PTN: variants seen among roughly 807,000 people sequenced by gnomAD.
The protein encoded by PTN is heparin affin regulatory protein.
Under a neutral mutation model 24.1 loss-of-function variants are expected in PTN, and 18 were observed. The ratio of observed to expected loss-of-function variants is 0.75; its 90% CI spans 0.52 to 1.11. The LOEUF (loss-of-function observed/expected upper bound fraction) is 1.11, where lower values mean the gene tolerates loss of function less well. PTN is among the 50% of genes least tolerant of loss of function. The probability of loss-of-function intolerance (pLI) is 0.00; values close to 1 mark genes in which losing one functional copy is unlikely to be tolerated. For missense variants in PTN, 163 were observed against 198.8 expected, an observed-to-expected ratio of 0.82 and a Z score of 1.08; for synonymous variants, 78 against 68.6, an observed-to-expected ratio of 1.14 and a Z score of -0.67.
intron 1 of PTN, among the ~76,000 whole-genome samples, chr7:137,303,725 A>G (rs567488861): frequency 6.6e-6 from 1 of 152,142 alleles, no homozygotes; most frequent in East Asian, 1.9e-4. Context: ...AATGAGTTTG[A>G]AAAAGCAAAC....
At chr7:137,278,304 C>A (rs1809402263) in intron 1 of PTN, among the ~76,000 whole-genome samples, 1 of 21,538 alleles carries the variant, frequency 4.6e-5, no homozygotes, top group Non-Finnish European at 7.9e-5. Context: ...GAGACTCCGT[C>A]TCAAAAAAAA....
At chr7:137,331,613 C>G (rs1195258248) in intron 1 of PTN, among the ~76,000 whole-genome samples, 1 of 152,204 alleles carries the variant, frequency 6.6e-6, no homozygotes, top group East Asian at 1.9e-4. Flanking sequence ...TGGAGCGACA[C>G]GCATCAAAGA....
intron 1 of PTN, among the ~76,000 whole-genome samples, chr7:137,319,603 C>G (rs1426246965): frequency 6.6e-6 from 1 of 152,160 alleles, no homozygotes; most frequent in Non-Finnish European, 1.5e-5. Flanking sequence ...CCCAGGATGT[C>G]TCCCCTGTGG....
chr7:137,262,249 A>T (rs1809053338), intron 1 of PTN, among the ~76,000 whole-genome samples: 2 of 152,058 alleles, frequency 1.3e-5, no homozygotes, highest in Non-Finnish European at 2.9e-5. Context: ...TTGTCATTTT[A>T]TCTCAAATCC....
chr7:137,285,924 T>C (rs1282008946), intron 1 of PTN, among the ~76,000 whole-genome samples: 1 of 152,256 alleles, frequency 6.6e-6, no homozygotes. Context: ...ACTCTTAGAA[T>C]ATCAATCACT....
chr7:137,295,465 A>T (rs1280325646), intron 1 of PTN, among the ~76,000 whole-genome samples: 1 of 152,062 alleles, frequency 6.6e-6, no homozygotes, highest in East Asian at 1.9e-4. Flanking sequence ...CCTCATTTTT[A>T]AATCAAATAG....
At chr7:137,236,093 C>T in intron 4 of PTN, 1 of 691,206 alleles carries the variant, frequency 1.4e-6, no homozygotes, top group Non-Finnish European at 2.6e-6. Context: ...CCATGCAGAA[C>T]AAAATTAATA....
At chr7:137,245,822 T>C (rs1469008026) in intron 4 of PTN, among the ~76,000 whole-genome samples, 4 of 152,170 alleles carry the variant, frequency 2.6e-5, no homozygotes, top group East Asian at 1.9e-4. Flanking sequence ...ACAAAAAGTT[T>C]TAAAAAATTA....
At position 137,228,056 on chromosome 7, in the gene PTN, TTTC is replaced by T. The variant is rs754217146; in HGVS notation, c.468_470del (p.Lys158del). On this transcript the variant is annotated inframe_deletion, in exon 5 of 5. Transcript: ENST00000348225. ...TCTTCTCCTGTTTCTTGCCTTCCTT[TTTC>T]TTCTTCTTAGATTCTGCTGTGATTA... 11 of 1,590,230 alleles carry T rather than the reference TTTC, an allele frequency of 6.9e-6. No individual in the cohort carries two copies. The highest frequency in any genetic ancestry group is 6.6e-5 in the South Asian group (6 of 90,330).
chr7:137,267,174 GTCTC>G (rs1017454224), intron 1 of PTN, among the ~76,000 whole-genome samples: 2 of 151,758 alleles, frequency 1.3e-5, no homozygotes, highest in Admixed American at 6.6e-5. Flanking sequence ...TTGACTTTCT[GTCTC>G]TCTCTCTGAC....
At chr7:137,322,815 C>T (rs1440354841) in intron 1 of PTN, among the ~76,000 whole-genome samples, 1 of 152,176 alleles carries the variant, frequency 6.6e-6, no homozygotes, top group Non-Finnish European at 1.5e-5. Flanking sequence ...TTATTCTTCA[C>T]TCTTTCAGTG....
intron 1 of PTN, among the ~76,000 whole-genome samples, chr7:137,255,759 C>T (rs1364332139): frequency 6.6e-6 from 1 of 152,154 alleles, no homozygotes; most frequent in Non-Finnish European, 1.5e-5. Context: ...TTGAAGCCAC[C>T]TGTGACAGCC....
chr7:137,231,203 T>C (rs983892329), intron 4 of PTN, among the ~76,000 whole-genome samples: 1 of 151,968 alleles, frequency 6.6e-6, no homozygotes, highest in Non-Finnish European at 1.5e-5. Context: ...AAAAGCTGAT[T>C]AGTAAAGCTT....
At chr7:137,240,724 C>T (rs864428) in intron 4 of PTN, among the ~76,000 whole-genome samples, 79,884 of 151,970 alleles carry the variant, frequency 0.53, 23,405 homozygotes, top group African/African-American at 0.81. Context: ...GGAAGATACA[C>T]GAGCAAGACA....
intron 1 of PTN, among the ~76,000 whole-genome samples, chr7:137,304,725 C>T (rs1293248824): frequency 6.6e-6 from 1 of 151,940 alleles, no homozygotes; most frequent in Non-Finnish European, 1.5e-5. Flanking sequence ...AAATGAATGC[C>T]TACTACCTGT....
At chr7:137,257,693 A>G (rs1808958570) in intron 1 of PTN, among the ~76,000 whole-genome samples, 1 of 152,230 alleles carries the variant, frequency 6.6e-6, no homozygotes, top group Non-Finnish European at 1.5e-5. Context: ...AAATTACAAT[A>G]TATTTCTTTC....
chr7:137,259,667 C>T (rs1808999117), intron 1 of PTN, among the ~76,000 whole-genome samples: 1 of 149,732 alleles, frequency 6.7e-6, no homozygotes, highest in African/African-American at 2.5e-5. Flanking sequence ...TATCCAAAAG[C>T]AAAACAAAAC....
chr7:137,237,792 T>C (rs1396494418), intron 4 of PTN, among the ~76,000 whole-genome samples: 1 of 152,222 alleles, frequency 6.6e-6, no homozygotes, highest in Non-Finnish European at 1.5e-5. Context: ...GATCTTTCTC[T>C]ATACTTTACA....
At chr7:137,321,304 G>A (rs751915315) in intron 1 of PTN, among the ~76,000 whole-genome samples, 2 of 152,150 alleles carry the variant, frequency 1.3e-5, no homozygotes, top group Non-Finnish European at 2.9e-5. Context: ...AGAGATGTTT[G>A]TTTTGAAAGA....
Sources: gnomAD v4.1 joint callset for allele counts (sites outside exome capture counted in the v4.1 genomes callset) on GRCh38, gnomAD v4.1.1 for gene constraint, MANE v1.5 for transcripts, NCBI Gene and HGNC (gene_info 2026-07-23, HGNC 2026-07-21) for gene names.